The following CLDN5 variants were observed in gnomAD, a reference collection of about 807,000 sequenced individuals.
CLDN5 encodes claudin 5.
CLDN5 carries 4 observed loss-of-function variants against 1.3 expected under a neutral mutation model. The observed-to-expected ratio is 3.07, with a 90% CI of 1.51 to 7.03. The LOEUF (loss-of-function observed/expected upper bound fraction) is 7.03. CLDN5 is among the 30% of genes most tolerant of loss of function. CLDN5 has a pLI of 0.00. For synonymous variants in CLDN5, 156 were observed against 152.3 expected (o/e 1.02, Z -0.18); for missense variants, 225 against 303.5 (o/e 0.74, Z 1.92).
At chr22:19,524,671 G>A (rs1051620166), upstream of CLDN5, 1 of 1,315,208 alleles carries the variant, frequency 7.6e-7, no homozygotes, top group Non-Finnish European at 9.7e-7. Flanking sequence ...GGCTGGCCTA[G>A]GGCGCGCTTC....
chr22:19,524,969 C>T, upstream of CLDN5: 1 of 1,012,622 alleles, frequency 9.9e-7, no homozygotes, highest in South Asian at 4.7e-5. Flanking sequence ...AGCACTGTCT[C>T]TCTCATCCCA....
chr22:19,523,447 C>G lies in CLDN5; in HGVS notation c.*152G>C, dbSNP rs1934149606. ...CTGCGGGCGCAGGCAGGAGCGGATC[C>G]AGGAGCCGCGTCGGGGCGCAGAGCC... On this transcript the variant is annotated 3_prime_UTR_variant, in exon 1 of 1. Coordinates refer to ENST00000618236, the MANE Select transcript of CLDN5 (RefSeq NM_001363066.2). 1 of 1,139,202 alleles carries G rather than the reference C, an allele frequency of 8.8e-7. No individual in the cohort carries two copies. Among genetic ancestry groups the G allele is most frequent in the African/African-American group, 1.6e-5 (1 of 60,920 alleles). The allele number at this position is 1,139,202 out of a possible 1,614,324, so 70.6% of individuals were successfully genotyped here. A position where few individuals can be genotyped will look rare whatever the true frequency, so the allele number is the denominator to read the frequency against.
rs1001851757 is a variant in CLDN5, at chr22:19,523,168, G to C, written c.*431C>G. The stretch of plus-strand genomic sequence containing the variant: ...GGCCAAGTCACTGGTCCCTGGGCTC[G>C]GGCCCTGCCGATGGAGTAAAGACCA... On this transcript the variant is annotated 3_prime_UTR_variant, in exon 1 of 1. Coordinates refer to ENST00000618236, the MANE Select transcript of CLDN5 (RefSeq NM_001363066.2). 1 of 167,846 alleles carries C rather than the reference G, an allele frequency of 6.0e-6. No individual in the cohort carries two copies. The highest frequency in any genetic ancestry group is 1.3e-5 in the Non-Finnish European group (1 of 79,742). The allele number at this position is 167,846 out of a possible 1,614,324, so 10.4% of individuals were successfully genotyped here. A position where few individuals can be genotyped will look rare whatever the true frequency, so the allele number is the denominator to read the frequency against.
chr22:19,524,697 G>C, upstream of CLDN5: 2 of 1,302,318 alleles, frequency 1.5e-6, no homozygotes, highest in Non-Finnish European at 2.0e-6. Context: ...CCGCCTCCCT[G>C]CGCGTCCCGG....
In CLDN5 at chr22:19,523,959, C is replaced by T. The variant is rs758858377; in HGVS notation, c.297G>A (p.Leu99=). ...CGCAGGTGGTGCACTGCGCGCCCGC[C>T]AGGGTCACGAAGAGCGCAACGAACG... The part of the protein sequence containing the change: ...LLAFVALFVT[L]AGAQCTTCVA... The change falls in exon 1 of 1, where the codon CTG becomes CTA. Residue 99 remains leucine, a synonymous_variant. Coordinates refer to ENST00000618236, the MANE Select transcript of CLDN5 (RefSeq NM_001363066.2). 19 of 1,588,592 alleles carry T rather than the reference C, an allele frequency of 1.2e-5. No homozygotes were observed. The highest frequency in any genetic ancestry group is 4.0e-5 in the African/African-American group (3 of 74,632).
chr22:19,523,521 T>G lies in CLDN5; in HGVS notation c.*78A>C. The G allele has an allele frequency of 6.8e-7, 1 of 1,472,650 alleles. No individual in the cohort carries two copies. The allele number at this position is 1,472,650 out of a possible 1,614,324, so 91.2% of individuals were successfully genotyped here. A position where few individuals can be genotyped will look rare whatever the true frequency, so the allele number is the denominator to read the frequency against. On this transcript the variant is annotated 3_prime_UTR_variant, in exon 1 of 1. Transcript: ENST00000618236. ...CCGCGCTACCCGGCGGAAGCCGCGG[T>G]CCATGCGGGGCTCCCCAGGCTTATC...
Position 19,523,515 on chromosome 22 carries a change from C to G in CLDN5, c.*84G>C, listed in dbSNP as rs1602012364. On this transcript the variant is annotated 3_prime_UTR_variant, in exon 1 of 1. Coordinates refer to ENST00000618236, the MANE Select transcript of CLDN5 (RefSeq NM_001363066.2). ...TGCGCGCCGCGCTACCCGGCGGAAG[C>G]CGCGGTCCATGCGGGGCTCCCCAGG... 6 of 1,465,598 alleles carry G rather than the reference C, an allele frequency of 4.1e-6. No homozygotes were observed. In the East Asian group the frequency reaches 7.3e-5, roughly 18 times the overall value. 90.8% of individuals were successfully genotyped at this position (1,465,598 alleles called of 1,614,324 possible).
At chr22:19,524,676 C>T (rs934662845), upstream of CLDN5, 1 of 1,304,706 alleles carries the variant, frequency 7.7e-7, no homozygotes, top group Non-Finnish European at 9.7e-7. Context: ...GCCTAGGGCG[C>T]GCTTCTTGGG....
upstream of CLDN5, chr22:19,524,429 C>T: frequency 6.9e-7 from 1 of 1,447,150 alleles, no homozygotes; most frequent in Non-Finnish European, 9.1e-7. Context: ...CCGGGGGGTA[C>T]CCTCTTTGAA....
At chr22:19,525,124 C>A (rs995824285), upstream of CLDN5, 16 of 1,000,658 alleles carry the variant, frequency 1.6e-5, no homozygotes, top group Non-Finnish European at 1.8e-5. Flanking sequence ...TGGCGACCCC[C>A]ACTCTCCCAA....
rs942656779 is a variant in CLDN5, at chr22:19,523,399, G to T, written c.*200C>A. On this transcript the variant is annotated 3_prime_UTR_variant, in exon 1 of 1. Transcript: ENST00000618236. ...ATTCCGTCTGTTAAGGGCAGGGCCGGGCTAGTGGCAGGAGAAGGTCAGCTG... is the reference window on the plus strand; with the variant it reads ...ATTCCGTCTGTTAAGGGCAGGGCCGTGCTAGTGGCAGGAGAAGGTCAGCTG... 3.0e-6 allele frequency: 2 copies of T among 659,196 alleles called. No individual in the cohort carries two copies. The highest frequency in any genetic ancestry group is 3.4e-5 in the Admixed American group (1 of 29,708). 40.8% of individuals were successfully genotyped at this position (659,196 alleles called of 1,614,324 possible).
Position 19,523,415 on chromosome 22 carries a change from A to G in CLDN5, c.*184T>C. 1.3e-6 allele frequency: 1 copy of G among 753,666 alleles called. No individual in the cohort carries two copies. 46.7% of individuals were successfully genotyped at this position (753,666 alleles called of 1,614,324 possible). ...GCAGGGCCGGGCTAGTGGCAGGAGAAGGTCAGCTGCGGGCGCAGGCAGGAG... is the reference window on the plus strand; with the variant it reads ...GCAGGGCCGGGCTAGTGGCAGGAGAGGGTCAGCTGCGGGCGCAGGCAGGAG... On this transcript the variant is annotated 3_prime_UTR_variant, in exon 1 of 1. Transcript: ENST00000618236.
chr22:19,524,164 T>C lies in CLDN5; in HGVS notation c.92A>G (p.Gln31Arg). Residue 31 changes from glutamine to arginine, a missense_variant, in exon 1 of 1, where the codon CAG becomes CGG. By Grantham distance (43) the Gln-to-Arg change is conservative. Transcript: ENST00000618236. The part of the protein sequence containing the change: ...LILACGLPMW[Q>R]VTAFLDHNIV... ...GTTGTGGTCCAGGAAGGCGGTCACCTGCCACATGGGCAGCCCGCACGCCAG... is the reference window on the plus strand; with the variant it reads ...GTTGTGGTCCAGGAAGGCGGTCACCCGCCACATGGGCAGCCCGCACGCCAG... 1 of 1,611,348 alleles carries C rather than the reference T, an allele frequency of 6.2e-7. No individual in the cohort carries two copies. The highest frequency in any genetic ancestry group is 1.1e-5 in the South Asian group (1 of 90,904).
Position 19,523,700 on chromosome 22 carries a change from A to C in CLDN5, c.556T>G (p.Trp186Gly). 1 of 1,607,668 alleles carries C rather than the reference A, an allele frequency of 6.2e-7. No individual in the cohort carries two copies. Among genetic ancestry groups the C allele is most frequent in the South Asian group, 1.1e-5 (1 of 90,854 alleles). ...VGGCLLCCGA[W>G]VCTGRPDLSF... Reference sequence around the variant, plus strand: ...AGGTCGGGACGGCCGGTGCAGACCCAGGCGCCGCAGCACAAGAGGCAGCCG... The same window carrying C: ...AGGTCGGGACGGCCGGTGCAGACCCCGGCGCCGCAGCACAAGAGGCAGCCG... The change falls in exon 1 of 1, where the codon TGG becomes GGG. Residue 186 changes from tryptophan (W) to glycine (G), a missense_variant. Trp to Gly is a radical substitution (Grantham distance 184). Around this residue, in one of 3 missense-constraint regions of CLDN5, gnomAD observed 165 missense variants for 211.9 expected, o/e 0.78. Coordinates refer to ENST00000618236, the MANE Select transcript of CLDN5 (RefSeq NM_001363066.2).
At chr22:19,525,039 C>G, upstream of CLDN5, 4 of 1,002,602 alleles carry the variant, frequency 4.0e-6, no homozygotes, top group Non-Finnish European at 4.8e-6. Context: ...CAGCCTCACC[C>G]CCCATGCCAC....
chr22:19,523,912 G>A lies in CLDN5; in HGVS notation c.344C>T (p.Ala115Val). The A allele has an allele frequency of 3.7e-6, 6 of 1,601,812 alleles. No individual in the cohort carries two copies. In the East Asian group the frequency reaches 1.1e-4, roughly 30 times the overall value. The change falls in exon 1 of 1, where the codon GCG becomes GTG. Residue 115 changes from alanine to valine, a missense_variant. By Grantham distance (64) the Ala-to-Val change is moderately conservative (BLOSUM62 0). This residue lies in a region of CLDN5 where 165 missense variants were observed against 211.9 expected (regional missense o/e 0.78). Transcript: ENST00000618236. Reference sequence around the variant, plus strand: ...CACGCCTCCCGTGAGGGCCACACGCGCCTTGGCCGGGCCCGGGGCCACGCA... The same window carrying A: ...CACGCCTCCCGTGAGGGCCACACGCACCTTGGCCGGGCCCGGGGCCACGCA... The part of the protein sequence containing the change: ...TTCVAPGPAK[A>V]RVALTGGVLY...
At position 19,523,222 on chromosome 22, in the gene CLDN5, G is replaced by A. The variant is rs1934143977; in HGVS notation, c.*377C>T. On this transcript the variant is annotated 3_prime_UTR_variant, in exon 1 of 1. Coordinates refer to ENST00000618236, the MANE Select transcript of CLDN5 (RefSeq NM_001363066.2). ...GTACACATCTTCCGGTGGGGGCCCT[G>A]GGCTCTGCATCCGCCCCTCCGAAGT... The A allele has an allele frequency of 4.5e-6, 1 of 223,216 alleles. No individual in the cohort carries two copies. 13.8% of individuals were successfully genotyped at this position (223,216 alleles called of 1,614,324 possible).
chr22:19,523,442 G>T lies in CLDN5; in HGVS notation c.*157C>A, dbSNP rs1223623279. ...GTCAGCTGCGGGCGCAGGCAGGAGC[G>T]GATCCAGGAGCCGCGTCGGGGCGCA... is the stretch of plus-strand genomic sequence containing the variant. On this transcript the variant is annotated 3_prime_UTR_variant, in exon 1 of 1. Transcript: ENST00000618236. The T allele has an allele frequency of 4.7e-6, 5 of 1,062,338 alleles. No homozygotes were observed. Among genetic ancestry groups the T allele is most frequent in the Non-Finnish European group, 6.5e-6 (5 of 773,562 alleles). The allele number at this position is 1,062,338 out of a possible 1,614,324, so 65.8% of individuals were successfully genotyped here.
chr22:19,524,801 C>G, upstream of CLDN5: 1 of 1,220,802 alleles, frequency 8.2e-7, no homozygotes, highest in Non-Finnish European at 1.0e-6. Flanking sequence ...TCCACTCGAG[C>G]CAGCTCCACT....
Sources: gnomAD v4.1 joint callset for allele counts on GRCh38, gnomAD v4.1.1 for gene constraint, gnomAD v4.1.1 regional missense constraint, MANE v1.5 for transcripts, NCBI Gene and HGNC (gene_info 2026-07-23, HGNC 2026-07-21) for gene names.